The following DUSP19 variants were observed in gnomAD, a reference collection of about 807,000 sequenced individuals.
DUSP19 encodes the protein dual specificity protein phosphatase 19.
Under a neutral mutation model 16.6 loss-of-function variants are expected in DUSP19, and 14 were observed. The observed-to-expected ratio is 0.84, with a 90% CI of 0.56 to 1.32. The LOEUF (loss-of-function observed/expected upper bound fraction) is 1.32. Ranked by LOEUF, DUSP19 falls within the 40% of genes most tolerant of loss-of-function variation. The pLI is 0.00. For missense variants in DUSP19, 258 were observed against 255.9 expected (o/e 1.01, Z -0.06); for synonymous variants, 81 against 90.5 (o/e 0.90, Z 0.59).
At chr2:183,085,587 GAAA>G (rs1043736619) in intron 2 of DUSP19, among the ~76,000 whole-genome samples, 1 of 143,776 alleles carries the variant, frequency 7.0e-6, no homozygotes. Flanking sequence ...ATGGCAAAGG[GAAA>G]AAAAAAAAGA....
In DUSP19 at chr2:183,096,491, C is replaced by T. The variant is rs1326991662; in HGVS notation, c.*833C>T. 1 of 152,060 alleles carries T rather than the reference C, an allele frequency of 6.6e-6. No homozygotes were observed. The highest frequency in any genetic ancestry group is 1.5e-5 in the Non-Finnish European group (1 of 68,032). The allele number at this position is 152,060 out of a possible 1,614,324, so 9.4% of individuals were successfully genotyped here. A position where few individuals can be genotyped will look rare whatever the true frequency, so the allele number is the denominator to read the frequency against. ...CCTCAGGTGATCCACCCACCTTGGC[C>T]TCTCTAAATACTGGGATTACAGGCG... On this transcript the variant is annotated 3_prime_UTR_variant, in exon 4 of 4. Transcript: ENST00000354221.
intron 2 of DUSP19, among the ~76,000 whole-genome samples, chr2:183,085,789 C>A (rs1038703028): frequency 2.8e-5 from 4 of 144,052 alleles, no homozygotes; most frequent in Admixed American, 7.2e-5. Flanking sequence ...TGCACGAGCA[C>A]ATCCTTCATT....
intron 2 of DUSP19, among the ~76,000 whole-genome samples, chr2:183,086,403 TTA>T (rs2105500154): frequency 6.6e-6 from 1 of 152,296 alleles, no homozygotes; most frequent in Non-Finnish European, 1.5e-5. Context: ...GCTCATTCGC[TTA>T]TAACACTAAG....
chr2:183,079,489 A>G (rs114991313), intron 1 of DUSP19, among the ~76,000 whole-genome samples: 265 of 152,362 alleles, frequency 1.7e-3, no homozygotes, highest in African/African-American at 5.8e-3. Context: ...GCTTGAAAAA[A>G]AAGGAATGAA....
At chr2:183,094,042 G>C (rs1487461197) in intron 3 of DUSP19, among the ~76,000 whole-genome samples, 1 of 152,058 alleles carries the variant, frequency 6.6e-6, no homozygotes, top group African/African-American at 2.4e-5. Flanking sequence ...TTCTTATATA[G>C]AAACTGTTGA....
intron 3 of DUSP19, among the ~76,000 whole-genome samples, chr2:183,093,810 A>G (rs1282684293): frequency 6.6e-6 from 1 of 152,234 alleles, no homozygotes; most frequent in Non-Finnish European, 1.5e-5. Context: ...AGCAGGAAAT[A>G]TTAAAAGTGA....
At chr2:183,079,487 A>T (rs983540217) in intron 1 of DUSP19, among the ~76,000 whole-genome samples, 2 of 152,224 alleles carry the variant, frequency 1.3e-5, no homozygotes, top group African/African-American at 4.8e-5. Context: ...CAGCTTGAAA[A>T]AAAAGGAATG....
chr2:183,082,591 T>C (rs1480008707), intron 1 of DUSP19, among the ~76,000 whole-genome samples: 2 of 151,738 alleles, frequency 1.3e-5, no homozygotes, highest in South Asian at 2.1e-4. Flanking sequence ...GCCCAGCTAA[T>C]TTTTGTATTT....
chr2:183,081,434 A>G (rs1355426996), intron 1 of DUSP19, among the ~76,000 whole-genome samples: 1 of 152,040 alleles, frequency 6.6e-6, no homozygotes, highest in Non-Finnish European at 1.5e-5. Context: ...TTTTGTAGAG[A>G]TGCGGTTTTA....
intron 3 of DUSP19, among the ~76,000 whole-genome samples, chr2:183,093,073 A>G (rs568587034): frequency 3.4e-4 from 52 of 152,178 alleles, no homozygotes; most frequent in Non-Finnish European, 5.6e-4. Flanking sequence ...GTTAACAACT[A>G]TTAATTACTT....
At chr2:183,085,594 A>T (rs1208457356) in intron 2 of DUSP19, among the ~76,000 whole-genome samples, 1 of 152,068 alleles carries the variant, frequency 6.6e-6, no homozygotes, top group Non-Finnish European at 1.5e-5. Flanking sequence ...AGGGAAAAAA[A>T]AAAAGAGAGA....
At chr2:183,089,449 A>G (rs972468910) in intron 3 of DUSP19, among the ~76,000 whole-genome samples, 26 of 152,228 alleles carry the variant, frequency 1.7e-4, no homozygotes, top group Admixed American at 1.3e-4. Context: ...ATTCTAGGTT[A>G]TAACATTCCA....
At chr2:183,086,900 G>C (rs1221034020) in intron 2 of DUSP19, 140 bp from the exon 3 acceptor site, 2 of 698,414 alleles carry the variant, frequency 2.9e-6, no homozygotes, top group Non-Finnish European at 4.6e-6. Flanking sequence ...TCTGGTGTGG[G>C]ATTGAAGCAG....
chr2:183,083,347 A>G (rs1016978644), intron 1 of DUSP19, 161 bp from the exon 2 acceptor site: 20 of 586,200 alleles, frequency 3.4e-5, no homozygotes, highest in Non-Finnish European at 5.9e-5. Flanking sequence ...CCAGGAGTTT[A>G]TGTAGGATGA....
chr2:183,087,487 A>G (rs923278539), intron 3 of DUSP19, among the ~76,000 whole-genome samples: 9 of 152,230 alleles, frequency 5.9e-5, no homozygotes, highest in Non-Finnish European at 1.2e-4. Flanking sequence ...TTGTGAAACT[A>G]TGCATTTTTA....
chr2:183,094,502 G>C (rs1480557575), intron 3 of DUSP19, among the ~76,000 whole-genome samples: 1 of 152,104 alleles, frequency 6.6e-6, no homozygotes, highest in East Asian at 1.9e-4. Context: ...CTTTTTAAAA[G>C]CTTCAGATAG....
intron 3 of DUSP19, among the ~76,000 whole-genome samples, chr2:183,089,575 A>G (rs1260585277): frequency 6.6e-6 from 1 of 152,038 alleles, no homozygotes; most frequent in Non-Finnish European, 1.5e-5. Context: ...TGTGGACACC[A>G]TGGAAGAAGA....
intron 2 of DUSP19, among the ~76,000 whole-genome samples, chr2:183,086,651 GAA>G (rs71008262): frequency 1.9e-4 from 18 of 95,686 alleles, no homozygotes; most frequent in African/African-American, 5.5e-4. Context: ...CCTCTTCTCT[GAA>G]AAAAAAAAAA....
At chr2:183,091,122 A>G (rs1253507435) in intron 3 of DUSP19, among the ~76,000 whole-genome samples, 2 of 152,154 alleles carry the variant, frequency 1.3e-5, no homozygotes, top group Admixed American at 1.3e-4. Context: ...TGGTGATTCT[A>G]TAATTTATCT....
Sources: allele counts gnomAD v4.1 joint callset (sites outside exome capture counted in the v4.1 genomes callset), GRCh38; gene constraint gnomAD v4.1.1; transcripts MANE v1.5; gene names NCBI Gene and HGNC (gene_info 2026-07-23, HGNC 2026-07-21).